The following DHRS7 variants were observed in gnomAD, a reference collection of about 807,000 sequenced individuals.
DHRS7 encodes the protein dehydrogenase/reductase SDR family member 7.
In DHRS7, 34 loss-of-function variants were observed where a neutral mutation model predicts 38.9. The ratio of observed to expected loss-of-function variants is 0.87; its 90% confidence interval spans 0.66 to 1.16. The LOEUF (loss-of-function observed/expected upper bound fraction) is 1.16. Among genes scored for constraint, DHRS7 ranks in the 50% most tolerant of loss-of-function variants. The pLI is 0.00. For synonymous variants in DHRS7, 158 were observed against 153.1 expected (o/e 1.03, Z -0.24); for missense variants, 421 against 407.0 (o/e 1.03, Z -0.30).
chr14:60,165,888 A>G (rs1896861155), upstream of DHRS7, among the ~76,000 whole-genome samples: 1 of 152,200 alleles, frequency 6.6e-6, no homozygotes, highest in African/African-American at 2.4e-5. This position sits in a 1 kb window ranked among gnomAD's most constrained non-coding sequence, Gnocchi z 4.6. Flanking sequence ...CTCCATGGGG[A>G]CAAGGTCCTT....
At chr14:60,169,102 TAAAAA>T (rs1896900497), upstream of DHRS7, 2 of 23,190 alleles carry the variant, frequency 8.6e-5, no homozygotes, top group South Asian at 3.3e-3. Flanking sequence ...GACCCTGTCT[TAAAAA>T]AACAAAACAA....
chr14:60,149,688 G>T lies in DHRS7; in HGVS notation c.757-120C>A, dbSNP rs573587108. The T allele has an allele frequency of 1.8e-5, 13 of 716,426 alleles. No homozygotes were observed. In the African/African-American group the frequency reaches 2.1e-4, roughly 12 times the overall value. The allele number at this position is 716,426 out of a possible 1,614,324, so 44.4% of individuals were successfully genotyped here. On this transcript the variant is annotated intron_variant, in intron 5 of 6. Transcript: ENST00000557185. Reference sequence around the variant, plus strand: ...TTTAGTGGAGCTTCATGCCCCTTAGGAGTCTCCATAGGTACTAATGGGAGT... The same window carrying T: ...TTTAGTGGAGCTTCATGCCCCTTAGTAGTCTCCATAGGTACTAATGGGAGT...
intron 2 of DHRS7, 45 bp downstream of exon 2, chr14:60,155,955 T>A: frequency 1.4e-6 from 2 of 1,441,786 alleles, no homozygotes; most frequent in South Asian, 3.1e-5. Context: ...GAGTTTGGAC[T>A]GATTTATTTC....
chr14:60,153,242 C>T lies in DHRS7; in HGVS notation c.394-64G>A, dbSNP rs1896587840. ...GTCTTGTGGATAGATTGATGGAATT[C>T]CTATGGATGGTTGGTTATTTTGTTA... On this transcript the variant is annotated intron_variant, in intron 3 of 6. Transcript: ENST00000557185. The surrounding 1 kb of genome is among the most constrained non-coding windows in gnomAD (Gnocchi z 4.4). 1 of 1,565,460 alleles carries T rather than the reference C, an allele frequency of 6.4e-7. No homozygotes were observed. The highest frequency in any genetic ancestry group is 1.7e-5 in the Admixed American group (1 of 57,618).
chr14:60,149,666 AGT>A (rs1323500684), intron 5 of DHRS7, 98 bp from the exon 6 acceptor site: 2 of 889,690 alleles, frequency 2.2e-6, no homozygotes, highest in Admixed American at 5.5e-5. Context: ...TGGTTCCTTT[AGT>A]GGAGCTTCAT....
Position 60,144,997 on chromosome 14 carries a change from T to G in DHRS7, c.989A>C (p.Tyr330Ser), listed in dbSNP as rs772178678. The G allele has an allele frequency of 6.2e-7, 1 of 1,601,538 alleles. No homozygotes were observed. Among genetic ancestry groups the G allele is most frequent in the South Asian group, 1.1e-5 (1 of 87,408 alleles). The change falls in exon 7 of 7, where the codon TAT becomes TCT. Residue 330 changes from tyrosine to serine, a missense_variant. By Grantham distance (144) the Tyr-to-Ser change is moderately radical. Coordinates refer to ENST00000557185, the MANE Select transcript of DHRS7 (RefSeq NM_016029.4). The stretch of plus-strand genomic sequence containing the variant: ...ATGTTTTGTCTTAAAGATTTTAAAA[T>G]AAGAAGAGTCTGCATCCTGTAAAAG... ...FKSGVDADSS[Y>S]FKIFKTKHD
At position 60,153,018 on chromosome 14, in the gene DHRS7, A is replaced by G. The variant is rs773531485; in HGVS notation, c.554T>C (p.Ile185Thr). Residue 185 changes from isoleucine (I) to threonine (T), a missense_variant, in exon 4 of 7, where the codon ATT becomes ACT. Coordinates refer to ENST00000557185, the MANE Select transcript of DHRS7 (RefSeq NM_016029.4). The surrounding 1 kb of genome is among the most constrained non-coding windows in gnomAD (Gnocchi z 4.4). Reference protein sequence around the residue: ...PHMIERKQGKIVTVNSILGII... With the variant: ...PHMIERKQGKTVTVNSILGII... Reference sequence around the variant, plus strand: ...ACCCAGGATGCTATTCACAGTAACAATCTTTCCTTGCTTCCTCTCGATCAT... The same window carrying G: ...ACCCAGGATGCTATTCACAGTAACAGTCTTTCCTTGCTTCCTCTCGATCAT... 5.0e-6 allele frequency: 8 copies of G among 1,614,082 alleles called. No individual in the cohort carries two copies. Among genetic ancestry groups the G allele is most frequent in the Middle Eastern group, 1.6e-4 (1 of 6,084 alleles).
intron 1 of DHRS7, among the ~76,000 whole-genome samples, chr14:60,160,038 CT>C (rs2140609521): frequency 6.6e-6 from 1 of 152,248 alleles, no homozygotes; most frequent in African/African-American, 2.4e-5. Context: ...TCAAAAACTT[CT>C]TTTTGGCCAG....
intron 1 of DHRS7, among the ~76,000 whole-genome samples, chr14:60,163,154 A>G (rs901811043): frequency 2.6e-5 from 4 of 152,004 alleles, no homozygotes; most frequent in Admixed American, 2.0e-4. Flanking sequence ...TGGCCAACAG[A>G]GCGAGACTCT....
upstream of DHRS7, among the ~76,000 whole-genome samples, chr14:60,167,349 A>G (rs1345293536): frequency 6.6e-6 from 1 of 152,242 alleles, no homozygotes; most frequent in Non-Finnish European, 1.5e-5. Flanking sequence ...CATTTAATAA[A>G]TCAATCTTCT....
In DHRS7 at chr14:60,156,102, T is replaced by G. The variant is rs200956188; in HGVS notation, c.184A>C (p.Ile62Leu). The change falls in exon 2 of 7, where the codon ATT becomes CTT. Residue 62 changes from isoleucine (I) to leucine (L), a missense_variant. By Grantham distance (5) the Ile-to-Leu change is conservative. Transcript: ENST00000557185. ...VVWVTGASSG[I>L]GEELAYQLSK... ...AACTGGTAAGCCAGCTCCTCACCAATTCCACTCGAGGCTCCAGTCACCCAC... is the reference window on the plus strand; with the variant it reads ...AACTGGTAAGCCAGCTCCTCACCAAGTCCACTCGAGGCTCCAGTCACCCAC... 16 of 1,601,814 alleles carry G rather than the reference T, an allele frequency of 1.0e-5. No individual in the cohort carries two copies. In the Admixed American group the frequency reaches 2.4e-4, roughly 24 times the overall value.
At position 60,164,860 on chromosome 14, in the gene DHRS7, G is replaced by C. The variant is rs1007235185; in HGVS notation, c.133+317C>G. The stretch of plus-strand genomic sequence containing the variant: ...AACACCAGAATCCCTTGAGTCCTGC[G>C]TAAGATGTCAGAGTCCTCAGGAGCA... On this transcript the variant is annotated intron_variant, in intron 1 of 6. Coordinates refer to ENST00000557185, the MANE Select transcript of DHRS7 (RefSeq NM_016029.4). Among the ~76,000 whole-genome samples, 5 of 152,144 alleles carry C rather than the reference G, an allele frequency of 3.3e-5. No individual in the cohort carries two copies. In the East Asian group the frequency reaches 9.6e-4, roughly 29 times the overall value.
At chr14:60,160,739 A>G (rs1306965087) in intron 1 of DHRS7, among the ~76,000 whole-genome samples, 1 of 151,910 alleles carries the variant, frequency 6.6e-6, no homozygotes, top group East Asian at 1.9e-4. Context: ...GTGTACCATC[A>G]TGCCCGGCTA....
At chr14:60,149,935 A>G (rs1595191736) in intron 5 of DHRS7, 130 bp downstream of exon 5, 4 of 875,734 alleles carry the variant, frequency 4.6e-6, no homozygotes, top group Non-Finnish European at 1.7e-6. Context: ...TAATGGCAGG[A>G]GTTTTGTGAA....
Position 60,153,852 on chromosome 14 carries a change from G to T in DHRS7, c.393+107C>A. Reference sequence around the variant, plus strand: ...CCCAACTCATGGGCCCGATCTCACTGCATGGACCCCACTTGCCTAAAGCCC... The same window carrying T: ...CCCAACTCATGGGCCCGATCTCACTTCATGGACCCCACTTGCCTAAAGCCC... On this transcript the variant is annotated intron_variant, in intron 3 of 6. Coordinates refer to ENST00000557185, the MANE Select transcript of DHRS7 (RefSeq NM_016029.4). The surrounding 1 kb of genome is among the most constrained non-coding windows in gnomAD (Gnocchi z 4.4). 2.2e-6 allele frequency: 2 copies of T among 907,304 alleles called. No individual in the cohort carries two copies. Among genetic ancestry groups the T allele is most frequent in the Non-Finnish European group, 3.6e-6 (2 of 560,688 alleles). The allele number at this position is 907,304 out of a possible 1,614,324, so 56.2% of individuals were successfully genotyped here.
Position 60,146,473 on chromosome 14 carries a change from G to A in DHRS7, c.973-1460C>T, listed in dbSNP as rs1281809553. On this transcript the variant is annotated intron_variant, in intron 6 of 6. Coordinates refer to ENST00000557185, the MANE Select transcript of DHRS7 (RefSeq NM_016029.4). The surrounding 1 kb of genome is among the most constrained non-coding windows in gnomAD (Gnocchi z 4.9). ...CCAGTACAGACATTATGGAAAATAC[G>A]GAAATTCCTCAAAAAATTAAAAATA... The A allele has an allele frequency of 7.9e-5, 12 of 151,872 alleles. No individual in the cohort carries two copies. The highest frequency in any genetic ancestry group is 2.1e-4 in the South Asian group (1 of 4,822). The allele number at this position is 151,872 out of a possible 1,614,324, so 9.4% of individuals were successfully genotyped here.
chr14:60,159,135 G>GA (rs796896538), intron 1 of DHRS7: 95 of 399,912 alleles, frequency 2.4e-4, no homozygotes, highest in African/African-American at 1.7e-3. Context: ...GAATTGGAGG[G>GA]AAAAACACAG....
intron 6 of DHRS7, chr14:60,149,066 C>T (rs923968059): frequency 2.4e-5 from 9 of 379,776 alleles, no homozygotes; most frequent in Admixed American, 1.3e-4. Context: ...TCCGCCTCCT[C>T]GGTTCAAGCA....
At chr14:60,169,668 T>G (rs999418503), upstream of DHRS7, 3 of 152,260 alleles carry the variant, frequency 2.0e-5, no homozygotes, top group Admixed American at 2.0e-4. Flanking sequence ...CACTGATCTA[T>G]TCTCTGTCAC....
Sources: gnomAD v4.1 joint callset for allele counts (sites outside exome capture counted in the v4.1 genomes callset) on GRCh38, gnomAD v4.1.1 for gene constraint, Gnocchi (gnomAD v3.1) non-coding constraint, MANE v1.5 for transcripts, NCBI Gene and HGNC (gene_info 2026-07-23, HGNC 2026-07-21) for gene names.